Variants in PLCG2 observed in about 807,000 individuals in gnomAD.
The protein encoded by PLCG2 is phospholipase C gamma 2.
In PLCG2, 69 loss-of-function variants were observed where a neutral mutation model predicts 175.6. The observed-to-expected ratio is 0.39, with a 90% CI of 0.32 to 0.48. The LOEUF (loss-of-function observed/expected upper bound fraction) is 0.48, where lower values mean the gene tolerates loss of function less well. PLCG2 is among the 20% of genes least tolerant of loss of function. The probability of loss-of-function intolerance (pLI) is 0.91; values close to 1 mark genes in which losing one functional copy is unlikely to be tolerated. For synonymous variants in PLCG2, 827 were observed against 624.0 expected (o/e 1.33, Z -4.85); for missense variants, 1,798 against 1,650.9 (o/e 1.09, Z -1.54).
chr16:81,955,521 T>C (rs945531323), intron 31 of PLCG2, among the ~76,000 whole-genome samples: 1 of 152,170 alleles, frequency 6.6e-6, no homozygotes, highest in Non-Finnish European at 1.5e-5. Flanking sequence ...TCTTTTTTTC[T>C]CCCCTAGCGT....
chr16:81,912,774 G>T, intron 19 of PLCG2, 58 bp downstream of exon 19: 1 of 1,503,690 alleles, frequency 6.7e-7, no homozygotes, highest in Non-Finnish European at 8.9e-7. Context: ...GGACAGATGC[G>T]GAGAGACAAG....
chr16:81,885,803 G>A (rs978494033), intron 9 of PLCG2, among the ~76,000 whole-genome samples: 5 of 152,170 alleles, frequency 3.3e-5, no homozygotes, highest in South Asian at 2.1e-4. Flanking sequence ...GGAAAGGGTC[G>A]TAGCTACCCT....
Position 81,787,487 on chromosome 16 carries a change from C to A in PLCG2, c.193+1305C>A, listed in dbSNP as rs9940275. On this transcript the variant is annotated intron_variant, in intron 2 of 32. Transcript: ENST00000564138. The stretch of plus-strand genomic sequence containing the variant: ...AAGTGATCCTCCCTCCTTGGCCTCC[C>A]AAAGCATTGGGATTACAGGCATGAG... Among the ~76,000 whole-genome samples the A allele has an allele frequency of 3.0e-3, 429 of 143,860 alleles. 2 individuals are homozygous for A. The highest frequency in any genetic ancestry group is 0.011 in the African/African-American group (406 of 37,594). The allele number at this position is 143,860 out of a possible 152,430, so 94.4% of individuals were successfully genotyped here.
At chr16:81,870,807 C>T (rs371119023) in intron 6 of PLCG2, 45 bp from the exon 7 acceptor site, 44 of 1,022,614 alleles carry the variant, frequency 4.3e-5, no homozygotes, top group South Asian at 2.1e-4. Flanking sequence ...GCCATTCTTA[C>T]GGTGGACATC....
At chr16:81,819,421 A>AGAAGTCAAGGATTTGGCTTGGG (rs1567480467) in intron 2 of PLCG2, among the ~76,000 whole-genome samples, 1 of 152,122 alleles carries the variant, frequency 6.6e-6, no homozygotes, top group Non-Finnish European at 1.5e-5. Flanking sequence ...CCAGGCTTGG[A>AGAAGTCAAGGATTTGGCTTGGG]GAAGTCAAGG....
intron 2 of PLCG2, among the ~76,000 whole-genome samples, chr16:81,827,287 A>C (rs931620410): frequency 1.1e-3 from 160 of 151,786 alleles, no homozygotes; most frequent in African/African-American, 3.7e-3. Flanking sequence ...CCCAGGATCA[A>C]GTGATCTTAT....
chr16:81,859,834 C>T (rs970429359), intron 5 of PLCG2, among the ~76,000 whole-genome samples: 1 of 152,112 alleles, frequency 6.6e-6, no homozygotes, highest in East Asian at 1.9e-4. Flanking sequence ...CCGCGCCCGG[C>T]CACCAGGTGG....
intron 2 of PLCG2, among the ~76,000 whole-genome samples, chr16:81,792,727 T>C (rs113142862): frequency 0.011 from 1,654 of 152,064 alleles, 20 homozygotes; most frequent in African/African-American, 0.038. Context: ...CTCATGAGAA[T>C]TTACTCACTA....
chr16:81,905,510 G>A lies in PLCG2; in HGVS notation c.1467+3G>A, dbSNP rs759974672. On this transcript the variant is annotated splice_donor_region_variant and intron_variant, in intron 15 of 32. Transcript: ENST00000564138. ...ACATGTGGGATTCCATTGACCAGGT[G>A]GGCCTTGGTCCCTTCCCGTAGCCAC... 1.0e-5 allele frequency: 16 copies of A among 1,607,234 alleles called. No individual in the cohort carries two copies. The East Asian group carries it at 2.7e-4, about 27-fold the overall frequency.
upstream of PLCG2, among the ~76,000 whole-genome samples, chr16:81,776,997 C>G (rs1377114890): frequency 6.6e-6 from 1 of 151,810 alleles, no homozygotes; most frequent in African/African-American, 2.4e-5. Context: ...AAAAATGAGC[C>G]AAAGAAGAAA....
intron 2 of PLCG2, among the ~76,000 whole-genome samples, chr16:81,828,474 G>A (rs1265942860): frequency 3.3e-5 from 5 of 151,900 alleles, no homozygotes; most frequent in East Asian, 1.9e-4. Context: ...TCCTGACCTC[G>A]TGATCCACCC....
intron 1 of PLCG2, among the ~76,000 whole-genome samples, chr16:81,781,194 A>G (rs1353338290): frequency 6.6e-6 from 1 of 152,218 alleles, no homozygotes; most frequent in Non-Finnish European, 1.5e-5. Context: ...ACTCTCCTGG[A>G]TTTACCAGAA....
At chr16:81,922,776 A>G (rs1374955476) in intron 21 of PLCG2, among the ~76,000 whole-genome samples, 2 of 152,210 alleles carry the variant, frequency 1.3e-5, no homozygotes, top group Non-Finnish European at 2.9e-5. Flanking sequence ...AGCTTTTCCC[A>G]CTAACATTTG....
chr16:81,843,595 A>G (rs1219746630), intron 2 of PLCG2, among the ~76,000 whole-genome samples: 2 of 152,236 alleles, frequency 1.3e-5, no homozygotes, highest in East Asian at 3.8e-4. Flanking sequence ...ACAAATGCCC[A>G]ATTTTTGGGT....
At chr16:81,863,754 C>G (rs910950402) in intron 5 of PLCG2, among the ~76,000 whole-genome samples, 1 of 152,240 alleles carries the variant, frequency 6.6e-6, no homozygotes, top group Non-Finnish European at 1.5e-5. Flanking sequence ...GCCCTTGCCC[C>G]CTTGGCGTAT....
chr16:81,874,056 G>A (rs766583664), intron 7 of PLCG2, among the ~76,000 whole-genome samples: 9 of 152,176 alleles, frequency 5.9e-5, no homozygotes, highest in Non-Finnish European at 1.0e-4. Flanking sequence ...GATACCAAAG[G>A]TTGACCCCTG....
chr16:81,779,966 C>A (rs542501979), intron 1 of PLCG2, among the ~76,000 whole-genome samples: 14 of 152,316 alleles, frequency 9.2e-5, no homozygotes, highest in African/African-American at 3.1e-4. Flanking sequence ...CGTAATTATG[C>A]GTGTGTCTGT....
intron 2 of PLCG2, among the ~76,000 whole-genome samples, chr16:81,797,966 G>A (rs1189932791): frequency 4.6e-5 from 7 of 152,036 alleles, no homozygotes; most frequent in Admixed American, 2.0e-4. Context: ...GAGTAGCTGG[G>A]ATTACAGGTA....
At chr16:81,821,894 C>T (rs999368738) in intron 2 of PLCG2, among the ~76,000 whole-genome samples, 17 of 151,040 alleles carry the variant, frequency 1.1e-4, no homozygotes, top group African/African-American at 3.7e-4. Flanking sequence ...TCCAGAGCAG[C>T]ACAAAGAGAG....
Sources: allele counts gnomAD v4.1 joint callset (sites outside exome capture counted in the v4.1 genomes callset), GRCh38; gene constraint gnomAD v4.1.1; transcripts MANE v1.5; gene names NCBI Gene and HGNC (gene_info 2026-07-23, HGNC 2026-07-21).